Variants in EIPR1 observed in about 807,000 individuals in gnomAD.
EIPR1 encodes the protein EARP and GARP complex-interacting protein 1.
In EIPR1, 25 loss-of-function variants were observed where a neutral mutation model predicts 48.1. The ratio of observed to expected loss-of-function variants is 0.52; its 90% CI spans 0.38 to 0.73. EIPR1 has a LOEUF of 0.73. Ranked by LOEUF, EIPR1 falls within the 30% of genes least tolerant of loss-of-function variation. The pLI is 0.00. For synonymous variants in EIPR1, 204 were observed against 201.9 expected, an observed-to-expected ratio of 1.01 and a Z score of -0.09; for missense variants, 415 against 506.2, an observed-to-expected ratio of 0.82 and a Z score of 1.73.
chr2:3,321,011 A>G (rs536836169), intron 3 of EIPR1, among the ~76,000 whole-genome samples: 1 of 152,330 alleles, frequency 6.6e-6, no homozygotes, highest in East Asian at 1.9e-4. Context: ...GTGAAAATTA[A>G]AGACGGGCTG....
At chr2:3,292,436 C>T (rs752558068) in intron 3 of EIPR1, among the ~76,000 whole-genome samples, 1 of 152,206 alleles carries the variant, frequency 6.6e-6, no homozygotes, top group East Asian at 1.9e-4. Context: ...CACATACTTC[C>T]CCCATGCTCA....
intron 1 of EIPR1, among the ~76,000 whole-genome samples, chr2:3,362,163 C>T (rs1162566894): frequency 6.6e-6 from 1 of 152,200 alleles, no homozygotes; most frequent in Non-Finnish European, 1.5e-5. Flanking sequence ...TCCCCAGTCC[C>T]ACCAGCCCCT....
intron 5 of EIPR1, among the ~76,000 whole-genome samples, chr2:3,203,482 A>C (rs902502179): frequency 6.6e-6 from 1 of 152,274 alleles, no homozygotes; most frequent in Non-Finnish European, 1.5e-5. Context: ...AGACCAGGCC[A>C]GGAGGCCGGG....
intron 3 of EIPR1, among the ~76,000 whole-genome samples, chr2:3,299,622 T>TCACACACACACACACA (rs574613479): frequency 1.4e-5 from 2 of 141,046 alleles, no homozygotes; most frequent in South Asian, 2.3e-4. Flanking sequence ...TCTCTCTCTC[T>TCACACACACACACACA]CTCACACACA....
chr2:3,352,559 C>T (rs1437600422), intron 2 of EIPR1, among the ~76,000 whole-genome samples: 1 of 152,242 alleles, frequency 6.6e-6, no homozygotes, highest in Non-Finnish European at 1.5e-5. Context: ...GCTTGATGAT[C>T]CAGATCACCC....
At chr2:3,353,152 T>C (rs923580897) in intron 2 of EIPR1, 4 of 439,372 alleles carry the variant, frequency 9.1e-6, no homozygotes, top group African/African-American at 8.2e-5. Flanking sequence ...CCTTAAACTT[T>C]ACCTATATGT....
intron 4 of EIPR1, among the ~76,000 whole-genome samples, chr2:3,221,829 A>G (rs1265600523): frequency 2.0e-5 from 3 of 149,500 alleles, no homozygotes; most frequent in African/African-American, 5.1e-5. Flanking sequence ...CAAGCCCACA[A>G]TGGCCGAGAT....
chr2:3,197,766 G>T (rs1664861082), intron 5 of EIPR1, among the ~76,000 whole-genome samples: 1 of 152,206 alleles, frequency 6.6e-6, no homozygotes, highest in Non-Finnish European at 1.5e-5. Flanking sequence ...CTGCCCCAGG[G>T]TCCTCTGTCA....
chr2:3,247,052 A>AGAGC (rs1479516225), intron 4 of EIPR1, among the ~76,000 whole-genome samples: 5 of 2,032 alleles, frequency 2.5e-3, no homozygotes, highest in Non-Finnish European at 2.9e-3. Context: ...AGGGAGGGAG[A>AGAGC]GAGGGAGGGA....
At chr2:3,244,099 G>A (rs974359795) in intron 4 of EIPR1, among the ~76,000 whole-genome samples, 9 of 152,232 alleles carry the variant, frequency 5.9e-5, no homozygotes, top group Non-Finnish European at 1.2e-4. Flanking sequence ...GATGCAGGTG[G>A]GAGAGCACGG....
chr2:3,194,113 A>C lies in EIPR1; in HGVS notation c.707T>G (p.Phe236Cys), dbSNP rs758213394. 1 of 1,613,952 alleles carries C rather than the reference A, an allele frequency of 6.2e-7. No individual in the cohort carries two copies. Among genetic ancestry groups the C allele is most frequent in the Non-Finnish European group, 8.5e-7 (1 of 1,180,008 alleles). ...AHGQLVRDLD[F>C]NPNKQYYLAS... is the part of the protein sequence containing the mutation. ...CAAGTAGTACTGCTTATTGGGATTA[A>C]AGTCAAGGTCCCGCACCAGCTGTCC... The change falls in exon 7 of 9, where the codon TTT becomes TGT. Residue 236 changes from phenylalanine (F) to cysteine (C), a missense_variant. Transcript: ENST00000382125.
At chr2:3,199,646 G>GAGGTGACATGGGTGTGT in intron 5 of EIPR1, among the ~76,000 whole-genome samples, 1 of 151,848 alleles carries the variant, frequency 6.6e-6, no homozygotes, top group East Asian at 1.9e-4. Flanking sequence ...CATCTGAGCA[G>GAGGTGACATGGGTGTGT]CTATGGGGGG....
chr2:3,348,912 G>A (rs751718778), intron 2 of EIPR1, among the ~76,000 whole-genome samples: 1 of 152,234 alleles, frequency 6.6e-6, no homozygotes, highest in Non-Finnish European at 1.5e-5. Context: ...CACAGCCAGT[G>A]GAGCCTTCCC....
At chr2:3,216,456 T>A (rs146701217) in intron 4 of EIPR1, among the ~76,000 whole-genome samples, 48 of 151,568 alleles carry the variant, frequency 3.2e-4, no homozygotes, top group Non-Finnish European at 5.2e-4. Context: ...ACACTTGGGG[T>A]TTTAGTAGAA....
At chr2:3,213,320 T>C (rs1315757477) in intron 5 of EIPR1, among the ~76,000 whole-genome samples, 5 of 152,168 alleles carry the variant, frequency 3.3e-5, no homozygotes, top group Non-Finnish European at 5.9e-5. Flanking sequence ...AAAAACCACA[T>C]TTTAAAGGAG....
chr2:3,210,162 A>T (rs1437959567), intron 5 of EIPR1, among the ~76,000 whole-genome samples: 1 of 151,866 alleles, frequency 6.6e-6, no homozygotes, highest in East Asian at 1.9e-4. Flanking sequence ...TGAACTTAAA[A>T]CTGTTCTAAA....
At chr2:3,322,768 T>C (rs1226436283) in intron 3 of EIPR1, among the ~76,000 whole-genome samples, 1 of 152,222 alleles carries the variant, frequency 6.6e-6, no homozygotes, top group Non-Finnish European at 1.5e-5. Flanking sequence ...GCCCTTGCAC[T>C]GCGCAGGTGG....
intron 2 of EIPR1, among the ~76,000 whole-genome samples, chr2:3,351,613 G>T (rs1670580267): frequency 1.3e-5 from 2 of 152,090 alleles, no homozygotes; most frequent in South Asian, 4.1e-4. Context: ...CCATCTTCAT[G>T]GTGGGTCCTC....
intron 3 of EIPR1, among the ~76,000 whole-genome samples, chr2:3,314,839 A>G (rs1041974392): frequency 3.3e-5 from 5 of 151,728 alleles, no homozygotes; most frequent in Middle Eastern, 3.4e-3. Flanking sequence ...GGATGCTCTC[A>G]CCTAGGCCTG....
Sources: gnomAD v4.1 joint callset for allele counts (sites outside exome capture counted in the v4.1 genomes callset) on GRCh38, gnomAD v4.1.1 for gene constraint, MANE v1.5 for transcripts, NCBI Gene and HGNC (gene_info 2026-07-23, HGNC 2026-07-21) for gene names.